Variants in SLC36A1 observed in about 807,000 individuals in gnomAD.
The protein encoded by SLC36A1 is solute carrier family 36 member 1.
SLC36A1 carries 30 observed loss-of-function variants against 47.5 expected under a neutral mutation model. The observed-to-expected ratio is 0.63, with a 90% CI of 0.47 to 0.86. The LOEUF is 0.86. Ranked by LOEUF, SLC36A1 falls within the 40% of genes least tolerant of loss-of-function variation. The probability of loss-of-function intolerance (pLI) is 0.00; values close to 1 mark genes in which losing one functional copy is unlikely to be tolerated. For synonymous variants in SLC36A1, 255 were observed against 249.7 expected (o/e 1.02, Z -0.20); for missense variants, 517 against 606.0 (o/e 0.85, Z 1.54).
At chr5:151,527,149 G>T in the SLC36A1 span, 1 of 1,346,102 alleles carries the variant, frequency 7.4e-7, no homozygotes, top group Non-Finnish European at 1.0e-6. Flanking sequence ...TTGTTCATGT[G>T]GACTAATGCC....
intron 7 of SLC36A1, among the ~76,000 whole-genome samples, chr5:151,468,617 A>G (rs1314066564): frequency 6.6e-6 from 1 of 151,300 alleles, no homozygotes; most frequent in Non-Finnish European, 1.5e-5. Flanking sequence ...GTCTCTACTC[A>G]TTAGGTACCA....
downstream of SLC36A1, among the ~76,000 whole-genome samples, chr5:151,494,103 G>A (rs1187722362): frequency 2.6e-5 from 4 of 152,044 alleles, no homozygotes; most frequent in African/African-American, 9.7e-5. Context: ...GGGCCCTCAG[G>A]TAAGCCCATT....
At chr5:151,469,991 C>T (rs1757092100) in intron 7 of SLC36A1, among the ~76,000 whole-genome samples, 1 of 152,108 alleles carries the variant, frequency 6.6e-6, no homozygotes, top group Non-Finnish European at 1.5e-5. Flanking sequence ...ACATTTTGCT[C>T]TGTGAGTATT....
rs567359761 is a variant in SLC36A1 at position 151,475,921 on chromosome 5, C to T, written c.823-669C>T. Among the ~76,000 whole-genome samples the T allele has an allele frequency of 5.3e-5, 8 of 152,322 alleles. No homozygotes were observed. In the South Asian group the frequency reaches 1.7e-3, roughly 32 times the overall value. The stretch of plus-strand genomic sequence containing the variant: ...CATTTTCCCAATTCCTAAATAAACT[C>T]ATTTTCATAGGGGCCTTTCCTTTGC... On this transcript the variant is annotated intron_variant, in intron 8 of 10. Transcript: ENST00000243389.
chr5:151,499,807 T>TA, the SLC36A1 span, among the ~76,000 whole-genome samples: 1 of 149,496 alleles, frequency 6.7e-6, no homozygotes, highest in South Asian at 2.1e-4. Context: ...TCCCAATTCT[T>TA]ACACCGTTTG....
the SLC36A1 span, chr5:151,347,311 C>CT: frequency 1.2e-6 from 2 of 1,602,582 alleles, no homozygotes; most frequent in Non-Finnish European, 1.7e-6. Context: ...TGCCCTTGGT[C>CT]TTCTTCAAGC....
the SLC36A1 span, chr5:151,382,058 A>G: frequency 1.4e-6 from 1 of 704,466 alleles, no homozygotes; most frequent in Non-Finnish European, 2.5e-6. Flanking sequence ...TTCCTGTTAC[A>G]GGAGGCACTG....
the SLC36A1 span, among the ~76,000 whole-genome samples, chr5:151,389,373 G>A: frequency 2.0e-5 from 3 of 151,630 alleles, no homozygotes; most frequent in Non-Finnish European, 4.4e-5. Context: ...CCGTCCCCTG[G>A]TAATAATTAA....
intron 1 of SLC36A1, among the ~76,000 whole-genome samples, chr5:151,458,338 T>TAC (rs1754975661): frequency 1.1e-5 from 1 of 93,128 alleles, no homozygotes; most frequent in African/African-American, 4.1e-5. Context: ...ATATATGGGA[T>TAC]ATTTATATAT....
the SLC36A1 span, among the ~76,000 whole-genome samples, chr5:151,551,867 A>G: frequency 6.7e-4 from 102 of 152,352 alleles, no homozygotes; most frequent in African/African-American, 2.4e-3. Context: ...ATGTAACAAC[A>G]TATTTTTAAA....
chr5:151,511,876 T>C, the SLC36A1 span: 2 of 437,160 alleles, frequency 4.6e-6, no homozygotes, highest in Non-Finnish European at 8.3e-6. Flanking sequence ...CATAGACCAG[T>C]GATGACACTA....
the SLC36A1 span, among the ~76,000 whole-genome samples, chr5:151,514,442 C>T: frequency 1.3e-5 from 2 of 152,204 alleles, no homozygotes; most frequent in African/African-American, 4.8e-5. Flanking sequence ...TTTCTTACTT[C>T]GTAGAACTCT....
chr5:151,370,865 C>A, the SLC36A1 span, among the ~76,000 whole-genome samples: 1 of 152,006 alleles, frequency 6.6e-6, no homozygotes, highest in Admixed American at 6.6e-5. Context: ...TGATGGCAGG[C>A]GCCTGTAATC....
At chr5:151,438,628 G>A (rs75650473) in intron 1 of SLC36A1, among the ~76,000 whole-genome samples, 2 of 152,210 alleles carry the variant, frequency 1.3e-5, no homozygotes, top group Admixed American at 6.5e-5. Flanking sequence ...CATGTGCTCT[G>A]ACACTCCTGT....
chr5:151,486,868 A>G (rs1759637408), intron 10 of SLC36A1, among the ~76,000 whole-genome samples: 1 of 152,234 alleles, frequency 6.6e-6, no homozygotes, highest in Admixed American at 6.5e-5. Context: ...TGTACTTTTC[A>G]TGGCCAAAAA....
the SLC36A1 span, among the ~76,000 whole-genome samples, chr5:151,535,872 C>T: frequency 2.0e-5 from 3 of 152,180 alleles, no homozygotes; most frequent in Non-Finnish European, 4.4e-5. Context: ...AACCCACACA[C>T]ATTTGGTCAC....
the SLC36A1 span, among the ~76,000 whole-genome samples, chr5:151,370,409 C>CTTTTTT: frequency 6.8e-6 from 1 of 147,188 alleles, no homozygotes. Flanking sequence ...CTGTTTCTTC[C>CTTTTTT]TTTTTTTTTT....
intron 4 of SLC36A1, 89 bp downstream of exon 4, chr5:151,464,691 C>T: frequency 9.4e-7 from 1 of 1,067,918 alleles, no homozygotes. Context: ...ATGCAGACCA[C>T]TCTCAATTCT....
At chr5:151,541,876 A>G in the SLC36A1 span, among the ~76,000 whole-genome samples, 992 of 152,326 alleles carry the variant, frequency 6.5e-3, 10 homozygotes, top group African/African-American at 0.023. Flanking sequence ...AGCATTTTCT[A>G]TCATTCACAA....
Sources: allele counts gnomAD v4.1 joint callset (sites outside exome capture counted in the v4.1 genomes callset), GRCh38; gene constraint gnomAD v4.1.1; transcripts MANE v1.5; gene names NCBI Gene and HGNC (gene_info 2026-07-23, HGNC 2026-07-21).